Variants in AAMDC observed in about 807,000 individuals in gnomAD.
AAMDC encodes the protein adipogenesis associated Mth938 domain containing.
AAMDC carries 16 observed loss-of-function variants against 15.5 expected under a neutral mutation model. That is an observed-to-expected ratio of 1.03 (90% CI 0.70 to 1.57). The LOEUF (loss-of-function observed/expected upper bound fraction) is 1.57. AAMDC is among the 40% of genes most tolerant of loss of function. The pLI, the probability that AAMDC is intolerant of heterozygous loss-of-function variation, is 0.00. For missense variants in AAMDC, 141 were observed against 144.9 expected, an observed-to-expected ratio of 0.97 and a Z score of 0.14; for synonymous variants, 51 against 51.6, an observed-to-expected ratio of 0.99 and a Z score of 0.05.
chr11:77,897,401 T>C (rs1376520392), intron 5 of AAMDC, among the ~76,000 whole-genome samples: 1 of 151,486 alleles, frequency 6.6e-6, no homozygotes, highest in Non-Finnish European at 1.5e-5. Context: ...ACAAGGATTA[T>C]GTACTTATAA....
In AAMDC at chr11:77,842,549, G is replaced by T. The variant is rs138381967; in HGVS notation, c.53G>T (p.Gly18Val). Residue 18 changes from glycine (G) to valine (V), a missense_variant, in exon 2 of 4, where the codon GGC becomes GTC. Gly to Val is a moderately radical substitution (Grantham distance 109). Transcript: ENST00000393427. ...TCATGGGGGCAAATGAAAGTAAAAG[G>T]CTCTAATACAACCTATAAGGACTGC... Reference protein sequence around the residue: ...SLSWGQMKVKGSNTTYKDCKV... With the variant: ...SLSWGQMKVKVSNTTYKDCKV... 1 of 1,613,882 alleles carries T rather than the reference G, an allele frequency of 6.2e-7. No homozygotes were observed. Among genetic ancestry groups the T allele is most frequent in the African/African-American group, 1.3e-5 (1 of 74,896 alleles).
At chr11:77,883,024 C>T (rs1223353554) in intron 5 of AAMDC, among the ~76,000 whole-genome samples, 1 of 151,894 alleles carries the variant, frequency 6.6e-6, no homozygotes, top group Non-Finnish European at 1.5e-5. Flanking sequence ...TGCAGTGAGC[C>T]GAGATTGCAC....
downstream of AAMDC, among the ~76,000 whole-genome samples, chr11:77,902,313 C>G (rs1305389446): frequency 6.6e-6 from 1 of 152,146 alleles, no homozygotes; most frequent in Non-Finnish European, 1.5e-5. Flanking sequence ...ATCTGGTATA[C>G]AGCAATGGTA....
chr11:77,822,997 C>T (rs1447968283), intron 1 of AAMDC, among the ~76,000 whole-genome samples: 1 of 151,990 alleles, frequency 6.6e-6, no homozygotes, highest in Non-Finnish European at 1.5e-5. Context: ...GGGCGGGTCA[C>T]GAGGTCAGGA....
intron 1 of AAMDC, among the ~76,000 whole-genome samples, chr11:77,830,797 TACTC>T (rs929165920): frequency 1.8e-4 from 28 of 151,938 alleles, no homozygotes; most frequent in African/African-American, 6.3e-4. Context: ...AATGAAAAGA[TACTC>T]AACATCATTG....
chr11:77,855,443 C>A (rs1264667839), intron 2 of AAMDC: 3 of 177,020 alleles, frequency 1.7e-5, no homozygotes, highest in Non-Finnish European at 2.4e-5. Flanking sequence ...CCTCAGCCTC[C>A]CAAGTAGCTG....
downstream of AAMDC, among the ~76,000 whole-genome samples, chr11:77,873,910 G>T (rs1255024843): frequency 1.3e-5 from 2 of 152,200 alleles, no homozygotes; most frequent in Non-Finnish European, 2.9e-5. Context: ...CATCACTGGA[G>T]CAGCAGCAGT....
chr11:77,903,787 G>A (rs1242030378), downstream of AAMDC, among the ~76,000 whole-genome samples: 1 of 152,116 alleles, frequency 6.6e-6, no homozygotes, highest in Non-Finnish European at 1.5e-5. Context: ...AGAAAGATGA[G>A]ACCAATGGTT....
At chr11:77,896,891 T>C (rs1050688741) in intron 5 of AAMDC, among the ~76,000 whole-genome samples, 5 of 150,208 alleles carry the variant, frequency 3.3e-5, no homozygotes, top group African/African-American at 9.8e-5. Context: ...AGAAAACACA[T>C]ACCTAGACAT....
At chr11:77,827,062 G>A (rs1340793487) in intron 1 of AAMDC, among the ~76,000 whole-genome samples, 2 of 152,078 alleles carry the variant, frequency 1.3e-5, no homozygotes, top group African/African-American at 4.8e-5. Context: ...CTGAGATGGG[G>A]CCACTGCACT....
chr11:77,835,244 G>A (rs966541137), intron 1 of AAMDC, among the ~76,000 whole-genome samples: 12 of 152,054 alleles, frequency 7.9e-5, no homozygotes, highest in Admixed American at 3.3e-4. Flanking sequence ...CCTTTGCCCC[G>A]TCCCACTTTA....
intron 2 of AAMDC, among the ~76,000 whole-genome samples, chr11:77,855,987 T>G (rs1026688427): frequency 6.6e-6 from 1 of 152,064 alleles, no homozygotes; most frequent in African/African-American, 2.4e-5. Flanking sequence ...TGTGTGGTGG[T>G]GTGCACCTGT....
downstream of AAMDC, among the ~76,000 whole-genome samples, chr11:77,902,057 C>G (rs1441964941): frequency 6.6e-6 from 1 of 152,170 alleles, no homozygotes; most frequent in Non-Finnish European, 1.5e-5. Context: ...ATCAAGTCCC[C>G]GATCTTGCTC....
intron 2 of AAMDC, among the ~76,000 whole-genome samples, chr11:77,858,869 T>C (rs1395633588): frequency 1.3e-5 from 2 of 152,182 alleles, no homozygotes; most frequent in African/African-American, 4.8e-5. Context: ...TTTTACAGCT[T>C]CGATTCTGGA....
At chr11:77,823,229 A>AG (rs1001958387) in intron 1 of AAMDC, among the ~76,000 whole-genome samples, 2 of 151,278 alleles carry the variant, frequency 1.3e-5, no homozygotes, top group African/African-American at 4.9e-5. Flanking sequence ...AAAAAAAAAA[A>AG]AAAAAGAAAT....
rs556999148 is a variant in AAMDC, at chr11:77,857,570, G to C, written c.133-12152G>C. On this transcript the variant is annotated intron_variant, in intron 2 of 3. Transcript: ENST00000393427. ...TGGATCCTATGACTCTGATTATTTT[G>C]TTTTATTTATTTATTTATTTTAATT... 2.2e-3 allele frequency among the ~76,000 whole-genome samples: 335 copies of C among 151,884 alleles called. 2 individuals are homozygous for C. The highest frequency in any genetic ancestry group is 7.9e-3 in the African/African-American group (327 of 41,444).
intron 2 of AAMDC, chr11:77,869,320 T>TTTC (rs1366581375): frequency 1.2e-5 from 2 of 165,732 alleles, no homozygotes; most frequent in African/African-American, 5.0e-5. Flanking sequence ...TTCTTTTTTT[T>TTTC]TTTTTTTTTT....
intron 2 of AAMDC, among the ~76,000 whole-genome samples, chr11:77,844,058 G>C (rs940360809): frequency 6.6e-6 from 1 of 152,088 alleles, no homozygotes; most frequent in Non-Finnish European, 1.5e-5. Flanking sequence ...GGAATTGTGG[G>C]AGTTAAAAAT....
intron 5 of AAMDC, among the ~76,000 whole-genome samples, chr11:77,892,247 T>C (rs978248544): frequency 6.6e-6 from 1 of 152,208 alleles, no homozygotes; most frequent in African/African-American, 2.4e-5. Flanking sequence ...ATTGCTTCAA[T>C]GGAGCTTACA....
Sources: gnomAD v4.1 joint callset for allele counts (sites outside exome capture counted in the v4.1 genomes callset) on GRCh38, gnomAD v4.1.1 for gene constraint, MANE v1.5 for transcripts, NCBI Gene and HGNC (gene_info 2026-07-23, HGNC 2026-07-21) for gene names.